The following VPS13B variants were observed in gnomAD, a reference collection of about 807,000 sequenced individuals.
The protein encoded by VPS13B is intermembrane lipid transfer protein VPS13B.
A neutral mutation model predicts 426.4 loss-of-function variants in VPS13B; 285 were observed. That is an observed-to-expected ratio of 0.67 (90% CI 0.61 to 0.74). The LOEUF is 0.74. VPS13B is among the 30% of genes least tolerant of loss of function. The pLI, the probability that VPS13B is intolerant of heterozygous loss-of-function variation, is 0.00. For synonymous variants in VPS13B, 1,676 were observed against 1,676.4 expected (o/e 1.00, Z 0.01); for missense variants, 4,537 against 4,782.6 (o/e 0.95, Z 1.51).
intron 23 of VPS13B, among the ~76,000 whole-genome samples, chr8:99,450,726 A>G (rs187173564): frequency 6.6e-6 from 1 of 151,836 alleles, no homozygotes; most frequent in Admixed American, 6.6e-5. Context: ...AGAAAAAAAA[A>G]TTTTTTTCTT....
At chr8:99,361,614 G>A (rs1812561209) in intron 19 of VPS13B, among the ~76,000 whole-genome samples, 1 of 152,054 alleles carries the variant, frequency 6.6e-6, no homozygotes, top group Non-Finnish European at 1.5e-5. Context: ...GCCTACCAGA[G>A]CACTGTCTCT....
intron 54 of VPS13B, among the ~76,000 whole-genome samples, chr8:99,844,308 G>T (rs1563504133): frequency 6.6e-6 from 1 of 151,646 alleles, no homozygotes; most frequent in Non-Finnish European, 1.5e-5. Context: ...GTTCATGGAT[G>T]ACCATCTTTT....
intron 17 of VPS13B, among the ~76,000 whole-genome samples, chr8:99,252,681 C>A (rs534916506): frequency 4.6e-5 from 7 of 152,144 alleles, no homozygotes; most frequent in African/African-American, 1.7e-4. Flanking sequence ...TCTCTTTCTG[C>A]TTCACATATT....
In VPS13B at chr8:99,156,570, A is replaced by C. The variant is rs755151137; in HGVS notation, c.2035A>C (p.Thr679Pro). Residue 679 changes from threonine (T) to proline (P), a missense_variant, in exon 15 of 62, where the codon ACT becomes CCT. Transcript: ENST00000357162. ...CTAGAACTCAAGTAACTTCATGAAT[A>C]CTACAAACTTCCAGTCTCTTCGGCC... is the stretch of plus-strand genomic sequence containing the variant. ...GEKNSSNFMN[T>P]TNFQSLRPLP... 1 of 1,614,066 alleles carries C rather than the reference A, an allele frequency of 6.2e-7. No individual in the cohort carries two copies. Among genetic ancestry groups the C allele is most frequent in the East Asian group, 2.2e-5 (1 of 44,874 alleles).
At chr8:99,540,046 TATATATATATATATA>T (rs1563785036) in intron 30 of VPS13B, among the ~76,000 whole-genome samples, 4 of 4,578 alleles carry the variant, frequency 8.7e-4, no homozygotes, top group East Asian at 6.4e-3. Context: ...TATATATATA[TATATATATATATATA>T]TATTTTTTTT....
Position 99,548,664 on chromosome 8 carries a change from G to A in VPS13B, c.4746-7786G>A, listed in dbSNP as rs545203737. 8.6e-5 allele frequency among the ~76,000 whole-genome samples: 13 copies of A among 151,958 alleles called. No individual in the cohort carries two copies. The South Asian group carries it at 2.7e-3, about 32-fold the overall frequency. On this transcript the variant is annotated intron_variant, in intron 30 of 61. Transcript: ENST00000357162. ...AATAACCGAAATTGGTTTTAAGTAT[G>A]TATAGGACAAAACAGGAGTATATCT...
chr8:99,493,538 A>G (rs1215222038), intron 25 of VPS13B, among the ~76,000 whole-genome samples: 1 of 152,184 alleles, frequency 6.6e-6, no homozygotes, highest in Non-Finnish European at 1.5e-5. Flanking sequence ...TCGTCTGAGC[A>G]CTTTGGGAGG....
chr8:99,554,230 G>T (rs900480937), intron 30 of VPS13B, among the ~76,000 whole-genome samples: 1 of 151,906 alleles, frequency 6.6e-6, no homozygotes, highest in Non-Finnish European at 1.5e-5. Flanking sequence ...TCCTTCAAAG[G>T]TATTCTTAAA....
chr8:99,703,585 T>C (rs1308826834), intron 36 of VPS13B, among the ~76,000 whole-genome samples: 2 of 152,220 alleles, frequency 1.3e-5, no homozygotes, highest in African/African-American at 4.8e-5. Flanking sequence ...ATTTTGCTAT[T>C]CATTGAACCC....
chr8:99,578,898 A>G (rs1825903840), intron 33 of VPS13B, among the ~76,000 whole-genome samples: 1 of 152,162 alleles, frequency 6.6e-6, no homozygotes, highest in South Asian at 2.1e-4. Flanking sequence ...AGGGGGATCA[A>G]TTTCAGTAAA....
intron 39 of VPS13B, among the ~76,000 whole-genome samples, chr8:99,728,560 C>T (rs1833450202): frequency 6.6e-6 from 1 of 152,104 alleles, no homozygotes; most frequent in Non-Finnish European, 1.5e-5. Context: ...ACAGACAAAG[C>T]CCTGTTTTCT....
chr8:99,868,824 ACT>A (rs1361326654), intron 59 of VPS13B, among the ~76,000 whole-genome samples: 6 of 152,214 alleles, frequency 3.9e-5, no homozygotes, highest in Non-Finnish European at 8.8e-5. Context: ...TGGGAAGATA[ACT>A]CTAAGAAGCA....
intron 19 of VPS13B, among the ~76,000 whole-genome samples, chr8:99,329,648 G>C (rs921102419): frequency 6.6e-6 from 1 of 151,934 alleles, no homozygotes; most frequent in African/African-American, 2.4e-5. Flanking sequence ...AGCTGTAGTG[G>C]ATTACATTAA....
In VPS13B at chr8:99,137,192, T is replaced by G. The variant is rs549418126; in HGVS notation, c.1651+440T>G. On this transcript the variant is annotated intron_variant, in intron 12 of 61. Transcript: ENST00000357162. Reference sequence around the variant, plus strand: ...ATATTGTATTATTTTATTATGTACCTTATTATTGTATTATTTTCTATTTTT... The same window carrying G: ...ATATTGTATTATTTTATTATGTACCGTATTATTGTATTATTTTCTATTTTT... Among the ~76,000 whole-genome samples, 9 of 152,058 alleles carry G rather than the reference T, an allele frequency of 5.9e-5. No individual in the cohort carries two copies. In the South Asian group the frequency reaches 8.3e-4, roughly 14 times the overall value.
chr8:99,076,872 A>G (rs1001904747), intron 3 of VPS13B, among the ~76,000 whole-genome samples: 7 of 152,218 alleles, frequency 4.6e-5, no homozygotes, highest in Non-Finnish European at 5.9e-5. Flanking sequence ...GTTATTATTT[A>G]TAGGTGAGGA....
chr8:99,034,680 T>G (rs1261146256), intron 2 of VPS13B, among the ~76,000 whole-genome samples: 1 of 152,176 alleles, frequency 6.6e-6, no homozygotes, highest in South Asian at 2.1e-4. Flanking sequence ...ATTTTTGGGC[T>G]GGTTTGCTGT....
intron 20 of VPS13B, among the ~76,000 whole-genome samples, chr8:99,387,518 A>T (rs1392371943): frequency 2.0e-5 from 3 of 152,140 alleles, no homozygotes; most frequent in Non-Finnish European, 4.4e-5. Flanking sequence ...CCCCATGTCC[A>T]GCCCAGTTTA....
chr8:99,626,742 T>C (rs1828629136), intron 33 of VPS13B, among the ~76,000 whole-genome samples: 1 of 152,220 alleles, frequency 6.6e-6, no homozygotes. Flanking sequence ...TAAAATAAAC[T>C]AAAAATAGAA....
intron 19 of VPS13B, among the ~76,000 whole-genome samples, chr8:99,300,593 G>C (rs1241566167): frequency 6.6e-6 from 1 of 152,094 alleles, no homozygotes; most frequent in African/African-American, 2.4e-5. Flanking sequence ...GTCCTTACTT[G>C]TTTATCCCTT....
Sources: gnomAD v4.1 joint callset for allele counts (sites outside exome capture counted in the v4.1 genomes callset) on GRCh38, gnomAD v4.1.1 for gene constraint, MANE v1.5 for transcripts, NCBI Gene and HGNC (gene_info 2026-07-23, HGNC 2026-07-21) for gene names.